The following HSD17B12 variants were observed in gnomAD, a reference collection of about 807,000 sequenced individuals.
HSD17B12 encodes the protein hydroxysteroid 17-beta dehydrogenase 12, also known as very-long-chain 3-oxoacyl-CoA reductase.
HSD17B12 carries 32 observed loss-of-function variants against 39.3 expected under a neutral mutation model. That is an observed-to-expected ratio of 0.81 (90% CI 0.61 to 1.09). HSD17B12 has a LOEUF of 1.09. HSD17B12 is among the 50% of genes least tolerant of loss of function. The probability of loss-of-function intolerance (pLI) is 0.00; values close to 1 mark genes in which losing one functional copy is unlikely to be tolerated. For synonymous variants in HSD17B12, 150 were observed against 146.7 expected (o/e 1.02, Z -0.16); for missense variants, 342 against 382.9 (o/e 0.89, Z 0.89).
the HSD17B12 span, among the ~76,000 whole-genome samples, chr11:43,571,378 C>T: frequency 6.6e-6 from 1 of 152,148 alleles, no homozygotes; most frequent in Non-Finnish European, 1.5e-5. Flanking sequence ...TGATCCCTGC[C>T]CCAGCCTCAG....
intron 9 of HSD17B12, among the ~76,000 whole-genome samples, chr11:43,844,547 ATT>A (rs1246453961): frequency 6.6e-6 from 1 of 151,818 alleles, no homozygotes; most frequent in Non-Finnish European, 1.5e-5. Flanking sequence ...TTACCTTATA[ATT>A]AAAGTCCAGT....
At chr11:43,582,092 C>G in the HSD17B12 span, among the ~76,000 whole-genome samples, 1 of 152,210 alleles carries the variant, frequency 6.6e-6, no homozygotes, top group Non-Finnish European at 1.5e-5. Context: ...GTCTCTTCCT[C>G]CCGCGCCTGC....
At chr11:43,767,204 TAA>T (rs398045163) in intron 3 of HSD17B12, among the ~76,000 whole-genome samples, 1 of 146,250 alleles carries the variant, frequency 6.8e-6, no homozygotes, top group Admixed American at 6.8e-5. Context: ...GACTTTTGTG[TAA>T]AAAAAAAAAA....
intron 7 of HSD17B12, chr11:43,833,032 CAA>C (rs59191050): frequency 2.4e-5 from 3 of 123,622 alleles, no homozygotes; most frequent in African/African-American, 3.1e-5. Context: ...GACCCTGTCT[CAA>C]AAAAAAAAAA....
At chr11:43,626,844 A>G in the HSD17B12 span, among the ~76,000 whole-genome samples, 1 of 152,052 alleles carries the variant, frequency 6.6e-6, no homozygotes, top group African/African-American at 2.4e-5. Flanking sequence ...CACAGAAAAC[A>G]GGAACTCCCA....
the HSD17B12 span, among the ~76,000 whole-genome samples, chr11:43,572,895 T>G: frequency 1.3e-5 from 2 of 152,146 alleles, no homozygotes; most frequent in Non-Finnish European, 2.9e-5. Flanking sequence ...TTCCCTTGGT[T>G]GATATCATGG....
At chr11:43,576,373 C>T in the HSD17B12 span, among the ~76,000 whole-genome samples, 7 of 152,028 alleles carry the variant, frequency 4.6e-5, no homozygotes, top group Non-Finnish European at 8.8e-5. Context: ...GAGGTTTTTT[C>T]AGTACTTGCT....
the HSD17B12 span, among the ~76,000 whole-genome samples, chr11:43,622,921 G>A: frequency 1.3e-5 from 2 of 151,940 alleles, no homozygotes; most frequent in South Asian, 2.1e-4. Flanking sequence ...TTAACATAGC[G>A]ATGGCAACTA....
intron 3 of HSD17B12, 116 bp downstream of exon 3, chr11:43,754,237 C>A: frequency 1.4e-6 from 1 of 700,306 alleles, no homozygotes; most frequent in Non-Finnish European, 2.4e-6. Context: ...GGAGAGATAT[C>A]ATTAAAGAGC....
chr11:43,760,689 G>A lies in HSD17B12; in HGVS notation c.283+6568G>A, dbSNP rs552199236. ...GTTTGTTCCACAATTTTCTGATGCA[G>A]TAATAATACCATTAATACGATGCCT... On this transcript the variant is annotated intron_variant, in intron 3 of 10. Coordinates refer to ENST00000278353, the MANE Select transcript of HSD17B12 (RefSeq NM_016142.3). Among the ~76,000 whole-genome samples the A allele has an allele frequency of 1.0e-3, 152 of 152,282 alleles. 1 individual carries two copies. The highest frequency in any genetic ancestry group is 1.7e-3 in the Non-Finnish European group (117 of 68,028).
chr11:43,598,180 C>T, the HSD17B12 span, among the ~76,000 whole-genome samples: 2 of 152,092 alleles, frequency 1.3e-5, no homozygotes, highest in Non-Finnish European at 2.9e-5. Context: ...CCCAGAGTTA[C>T]GTGTTTTATG....
chr11:43,600,297 G>C, the HSD17B12 span, among the ~76,000 whole-genome samples: 1 of 150,430 alleles, frequency 6.6e-6, no homozygotes. Context: ...TTGTTTCATT[G>C]ACTGGATTTC....
At chr11:43,775,603 A>G (rs919940553) in intron 3 of HSD17B12, among the ~76,000 whole-genome samples, 1 of 151,218 alleles carries the variant, frequency 6.6e-6, no homozygotes, top group African/African-American at 2.4e-5. Context: ...TTATTTATTT[A>G]TTTATTTATT....
intron 3 of HSD17B12, among the ~76,000 whole-genome samples, chr11:43,773,580 A>C (rs1265024282): frequency 1.3e-5 from 2 of 152,196 alleles, no homozygotes; most frequent in African/African-American, 4.8e-5. Flanking sequence ...AGTTCACAGC[A>C]AATTGAACAG....
intron 9 of HSD17B12, chr11:43,853,512 G>A (rs1230427678): frequency 1.3e-5 from 2 of 152,346 alleles, no homozygotes; most frequent in African/African-American, 4.8e-5. Flanking sequence ...ATTGGGCCAA[G>A]CGTGGTAGCT....
chr11:43,731,450 CTT>C (rs1950266735), intron 1 of HSD17B12, among the ~76,000 whole-genome samples: 1 of 152,078 alleles, frequency 6.6e-6, no homozygotes, highest in African/African-American at 2.4e-5. Flanking sequence ...ACCTCTTTCA[CTT>C]TTATTAGACC....
intron 1 of HSD17B12, among the ~76,000 whole-genome samples, chr11:43,697,551 C>T (rs7928523): frequency 0.31 from 47,439 of 151,988 alleles, 7,536 homozygotes; most frequent in African/African-American, 0.33. Flanking sequence ...GCAGTTTACC[C>T]AAAGTCACAT....
the HSD17B12 span, among the ~76,000 whole-genome samples, chr11:43,569,095 G>A: frequency 6.6e-6 from 1 of 152,122 alleles, no homozygotes; most frequent in Non-Finnish European, 1.5e-5. Context: ...TTCTTACTGG[G>A]GAGTTGAGAT....
chr11:43,613,671 ATT>A, the HSD17B12 span, among the ~76,000 whole-genome samples: 3 of 144,818 alleles, frequency 2.1e-5, no homozygotes, highest in Non-Finnish European at 4.6e-5. Context: ...CCTTCCATGA[ATT>A]TTTTTTTTTT....
Sources: allele counts gnomAD v4.1 joint callset (sites outside exome capture counted in the v4.1 genomes callset), GRCh38; gene constraint gnomAD v4.1.1; transcripts MANE v1.5; gene names NCBI Gene and HGNC (gene_info 2026-07-23, HGNC 2026-07-21).